Variants in NPY observed in about 807,000 individuals in gnomAD.
NPY encodes neuropeptide Y, also known as pro-neuropeptide Y.
NPY carries 11 observed loss-of-function variants against 13.2 expected under a neutral mutation model. That is an observed-to-expected ratio of 0.83 (90% CI 0.52 to 1.38). NPY has a LOEUF of 1.38. NPY is among the 40% of genes most tolerant of loss of function. The pLI, the probability that NPY is intolerant of heterozygous loss-of-function variation, is 0.00. For synonymous variants in NPY, 51 were observed against 55.6 expected (o/e 0.92, Z 0.37); for missense variants, 109 against 125.1 (o/e 0.87, Z 0.61).
Position 24,285,020 on chromosome 7 carries a change from G to T in NPY, c.1-221G>T. On this transcript the variant is annotated intron_variant, in intron 1 of 3. Coordinates refer to ENST00000242152, the MANE Select transcript of NPY (RefSeq NM_000905.4). The surrounding 1 kb of genome is among the most constrained non-coding windows in gnomAD (Gnocchi z 4.9). ...GAGACTTCGAACGAAGTTGCGCGAA[G>T]TTTTCAGGTGGAGCAGAGGGGCAGG... 2 of 589,210 alleles carry T rather than the reference G, an allele frequency of 3.4e-6. No homozygotes were observed. Among genetic ancestry groups the T allele is most frequent in the Non-Finnish European group, 3.0e-6 (1 of 330,922 alleles). 36.5% of individuals were successfully genotyped at this position (589,210 alleles called of 1,614,324 possible).
At chr7:24,288,135 A>C (rs1413994705) in intron 2 of NPY, among the ~76,000 whole-genome samples, 1 of 152,228 alleles carries the variant, frequency 6.6e-6, no homozygotes, top group East Asian at 1.9e-4. Context: ...TTACTGGTAA[A>C]TTGGATAAAA....
At position 24,285,093 on chromosome 7, in the gene NPY, C is replaced by T. The variant is rs1787309866; in HGVS notation, c.1-148C>T. 1 of 835,094 alleles carries T rather than the reference C, an allele frequency of 1.2e-6. No individual in the cohort carries two copies. Among genetic ancestry groups the T allele is most frequent in the African/African-American group, 1.7e-5 (1 of 59,748 alleles). 51.7% of individuals were successfully genotyped at this position (835,094 alleles called of 1,614,324 possible). A position where few individuals can be genotyped will look rare whatever the true frequency, so the allele number is the denominator to read the frequency against. ...GCCCGCAAGGTGGTGCTAGCCACTC[C>T]TGGGTTCTCTCTGCGGGACTGGGAC... On this transcript the variant is annotated intron_variant, in intron 1 of 3. Transcript: ENST00000242152. This position sits in a 1 kb window ranked among gnomAD's most constrained non-coding sequence, Gnocchi z 4.9.
At chr7:24,288,508 G>A (rs950142359) in intron 2 of NPY, among the ~76,000 whole-genome samples, 3 of 152,038 alleles carry the variant, frequency 2.0e-5, no homozygotes, top group Admixed American at 2.0e-4. Flanking sequence ...TAAACAAAGT[G>A]GCGAATGGTG....
rs886322609 is a variant in NPY, at chr7:24,289,151, T to A, written c.189-348T>A. On this transcript the variant is annotated intron_variant, in intron 2 of 3. Transcript: ENST00000242152. Reference sequence around the variant, plus strand: ...GGAAACATTTACAATCATGCTTCCATGTTTTCAAATTTCCTGTCACCTAGT... The same window carrying A: ...GGAAACATTTACAATCATGCTTCCAAGTTTTCAAATTTCCTGTCACCTAGT... 2.6e-5 allele frequency among the ~76,000 whole-genome samples: 4 copies of A among 152,210 alleles called. No individual in the cohort carries two copies. In the South Asian group the frequency reaches 6.2e-4, roughly 24 times the overall value.
In NPY at chr7:24,285,479, G is replaced by C; in HGVS notation, c.188+51G>C. Reference sequence around the variant, plus strand: ...CGGGAGCGCCAGTGCCTGCACACCAGGAGATCCTGGGGATGTTAGGGAAAG... The same window carrying C: ...CGGGAGCGCCAGTGCCTGCACACCACGAGATCCTGGGGATGTTAGGGAAAG... On this transcript the variant is annotated intron_variant, in intron 2 of 3. Transcript: ENST00000242152. The surrounding 1 kb of genome is among the most constrained non-coding windows in gnomAD (Gnocchi z 4.9). 6.4e-7 allele frequency: 1 copy of C among 1,554,222 alleles called. No individual in the cohort carries two copies. Among genetic ancestry groups the C allele is most frequent in the Non-Finnish European group, 8.8e-7 (1 of 1,135,376 alleles).
Position 24,285,455 on chromosome 7 carries a change from G to T in NPY, c.188+27G>T. On this transcript the variant is annotated intron_variant, in intron 2 of 3. Transcript: ENST00000242152. The surrounding 1 kb of genome is among the most constrained non-coding windows in gnomAD (Gnocchi z 4.9). ...TGGGTGGGACCGCGGGACCGATTCC[G>T]GGAGCGCCAGTGCCTGCACACCAGG... 6.2e-7 allele frequency: 1 copy of T among 1,600,978 alleles called. No homozygotes were observed. The highest frequency in any genetic ancestry group is 1.1e-5 in the South Asian group (1 of 89,964).
At chr7:24,288,904 A>G (rs889041311) in intron 2 of NPY, among the ~76,000 whole-genome samples, 1 of 152,162 alleles carries the variant, frequency 6.6e-6, no homozygotes, top group African/African-American at 2.4e-5. Flanking sequence ...TCACTTTGAA[A>G]GCATTGTGAC....
intron 3 of NPY, among the ~76,000 whole-genome samples, chr7:24,290,077 A>C (rs1019612800): frequency 6.6e-6 from 1 of 152,176 alleles, no homozygotes; most frequent in Non-Finnish European, 1.5e-5. Context: ...ACTTTTTGAC[A>C]TATTTTAATT....
chr7:24,285,190 G>C lies in NPY; in HGVS notation c.1-51G>C. 6.3e-7 allele frequency: 1 copy of C among 1,592,328 alleles called. No homozygotes were observed. On this transcript the variant is annotated intron_variant, in intron 1 of 3. Transcript: ENST00000242152. This position sits in a 1 kb window ranked among gnomAD's most constrained non-coding sequence, Gnocchi z 4.9. Reference sequence around the variant, plus strand: ...GGGGCAGAGGAGGGAGGTGCTGCGCGTGGGTGCTCTGAATCCCCAAGCCCG... The same window carrying C: ...GGGGCAGAGGAGGGAGGTGCTGCGCCTGGGTGCTCTGAATCCCCAAGCCCG...
intron 2 of NPY, among the ~76,000 whole-genome samples, chr7:24,287,914 C>T (rs2128232850): frequency 6.6e-6 from 1 of 152,244 alleles, no homozygotes; most frequent in East Asian, 1.9e-4. Context: ...GGGGCCTGGG[C>T]TTTAGAGTGT....
At chr7:24,288,434 C>A (rs1205531986) in intron 2 of NPY, among the ~76,000 whole-genome samples, 1 of 151,976 alleles carries the variant, frequency 6.6e-6, no homozygotes, top group South Asian at 2.1e-4. Context: ...TTAGAATATA[C>A]CCTCTGTCAG....
rs545000950 is a variant in NPY at position 24,289,653 on chromosome 7, G to A, written c.269+74G>A. 245 of 1,199,930 alleles carry A rather than the reference G, an allele frequency of 2.0e-4. 2 individuals are homozygous for A. The South Asian group carries it at 2.9e-3, about 14-fold the overall frequency. The allele number at this position is 1,199,930 out of a possible 1,614,324, so 74.3% of individuals were successfully genotyped here. On this transcript the variant is annotated intron_variant, in intron 3 of 3. Transcript: ENST00000242152. ...CAGGGGAGGGAAGTCAGAGACAGGT[G>A]CCTGGTGGGAGGCACCACCAGGCTT...
chr7:24,287,359 G>A (rs968695066), intron 2 of NPY, among the ~76,000 whole-genome samples: 1 of 152,226 alleles, frequency 6.6e-6, no homozygotes, highest in Admixed American at 6.5e-5. Flanking sequence ...CCACTCCTAT[G>A]TGCGTTTCTG....
intron 3 of NPY, among the ~76,000 whole-genome samples, chr7:24,291,160 C>T (rs200488146): frequency 6.6e-6 from 1 of 152,136 alleles, no homozygotes; most frequent in East Asian, 1.9e-4. Context: ...GATTGACAGA[C>T]TCCATCAGGT....
At chr7:24,284,771 C>T (rs995075829) in intron 1 of NPY, 1 of 176,710 alleles carries the variant, frequency 5.7e-6, no homozygotes, top group Non-Finnish European at 1.2e-5. Flanking sequence ...TTCTCTTTCC[C>T]CTTCCCCACC....
At position 24,285,508 on chromosome 7, in the gene NPY, T is replaced by A; in HGVS notation, c.188+80T>A. On this transcript the variant is annotated intron_variant, in intron 2 of 3. Transcript: ENST00000242152. This position sits in a 1 kb window ranked among gnomAD's most constrained non-coding sequence, Gnocchi z 4.9. ...ATCCTGGGGATGTTAGGGAAAGGGA[T>A]TGTTTCTTTTCCTTCGCTCTATCCC... 7.1e-7 allele frequency: 1 copy of A among 1,409,106 alleles called. No individual in the cohort carries two copies. The highest frequency in any genetic ancestry group is 1.4e-5 in the African/African-American group (1 of 71,134). 87.3% of individuals were successfully genotyped at this position (1,409,106 alleles called of 1,614,324 possible).
Position 24,285,185 on chromosome 7 carries a change from T to C in NPY, c.1-56T>C, listed in dbSNP as rs1787314812. The C allele has an allele frequency of 1.3e-6, 2 of 1,579,772 alleles. No homozygotes were observed. Among genetic ancestry groups the C allele is most frequent in the Admixed American group, 1.7e-5 (1 of 59,750 alleles). ...CGCGGGGGGCAGAGGAGGGAGGTGC[T>C]GCGCGTGGGTGCTCTGAATCCCCAA... On this transcript the variant is annotated intron_variant, in intron 1 of 3. Transcript: ENST00000242152. The surrounding 1 kb of genome is among the most constrained non-coding windows in gnomAD (Gnocchi z 4.9).
chr7:24,284,458 C>T (rs1190437842), intron 1 of NPY, among the ~76,000 whole-genome samples, 183 bp downstream of exon 1: 1 of 152,228 alleles, frequency 6.6e-6, no homozygotes, highest in African/African-American at 2.4e-5. Flanking sequence ...CTAAATTCCA[C>T]TTGTTCCTCT....
In NPY at chr7:24,285,160, C is replaced by G. The variant is rs550180785; in HGVS notation, c.1-81C>G. On this transcript the variant is annotated intron_variant, in intron 1 of 3. Transcript: ENST00000242152. The surrounding 1 kb of genome is among the most constrained non-coding windows in gnomAD (Gnocchi z 4.9). ...TCGCGTGTGGTAGCAGGAGGAGGAG[C>G]GCGGGGGGCAGAGGAGGGAGGTGCT... 148 of 1,436,640 alleles carry G rather than the reference C, an allele frequency of 1.0e-4. 2 individuals carry two copies. In the South Asian group the frequency reaches 1.7e-3, roughly 17 times the overall value. The allele number at this position is 1,436,640 out of a possible 1,614,324, so 89.0% of individuals were successfully genotyped here.
Sources: allele counts gnomAD v4.1 joint callset (sites outside exome capture counted in the v4.1 genomes callset), GRCh38; gene constraint gnomAD v4.1.1; non-coding constraint Gnocchi (gnomAD v3.1); transcripts MANE v1.5; gene names NCBI Gene and HGNC (gene_info 2026-07-23, HGNC 2026-07-21).